The following LRRC4C variants were observed in gnomAD, a reference collection of about 807,000 sequenced individuals.
LRRC4C encodes leucine-rich repeat-containing protein 4C.
A neutral mutation model predicts 33.6 loss-of-function variants in LRRC4C; 5 were observed. That is an observed-to-expected ratio of 0.15 (90% CI 0.08 to 0.31). The LOEUF is 0.31. Ranked by LOEUF, LRRC4C falls within the 10% of genes least tolerant of loss-of-function variation. The pLI is 1.00. For synonymous variants in LRRC4C, 329 were observed against 302.0 expected (o/e 1.09, Z -0.93); for missense variants, 560 against 796.7 (o/e 0.70, Z 3.58).
At chr11:40,835,586 A>G (rs1457476128) in intron 2 of LRRC4C, among the ~76,000 whole-genome samples, 1 of 152,232 alleles carries the variant, frequency 6.6e-6, no homozygotes, top group Non-Finnish European at 1.5e-5. Flanking sequence ...GTTAGAAAAC[A>G]AGCCTAATTT....
chr11:40,649,586 CAGT>C (rs1942664759), intron 2 of LRRC4C, among the ~76,000 whole-genome samples: 1 of 152,114 alleles, frequency 6.6e-6, no homozygotes, highest in East Asian at 1.9e-4. Context: ...ACAGTTAACA[CAGT>C]AGTGGTCCTG....
intron 1 of LRRC4C, among the ~76,000 whole-genome samples, chr11:41,018,357 A>G (rs545028805): frequency 3.2e-4 from 48 of 152,184 alleles, no homozygotes; most frequent in Non-Finnish European, 4.7e-4. Context: ...TGCAAAACAC[A>G]GCTACAGAAG....
At chr11:40,638,220 T>C (rs1941879830) in intron 3 of LRRC4C, among the ~76,000 whole-genome samples, 2 of 152,340 alleles carry the variant, frequency 1.3e-5, no homozygotes, top group South Asian at 4.1e-4. Context: ...ACTATCTCTG[T>C]CCACTAAAAT....
chr11:40,681,659 G>A (rs576662264), intron 2 of LRRC4C, among the ~76,000 whole-genome samples: 71 of 147,742 alleles, frequency 4.8e-4, no homozygotes, highest in Admixed American at 1.2e-3. Context: ...CAACACTTTC[G>A]GAAGCTGAGG....
intron 5 of LRRC4C, among the ~76,000 whole-genome samples, chr11:40,166,044 A>C (rs1450529331): frequency 6.6e-6 from 1 of 152,222 alleles, no homozygotes; most frequent in Non-Finnish European, 1.5e-5. Flanking sequence ...GGCTCTCTTT[A>C]ATAAAGTTGA....
intron 5 of LRRC4C, among the ~76,000 whole-genome samples, chr11:40,166,426 G>A (rs1263643655): frequency 1.3e-5 from 2 of 152,132 alleles, no homozygotes; most frequent in Non-Finnish European, 2.9e-5. Context: ...TTGATGTCAG[G>A]ATAGTAGTTA....
chr11:41,155,376 C>T (rs911721797), intron 1 of LRRC4C, among the ~76,000 whole-genome samples: 2 of 152,098 alleles, frequency 1.3e-5, no homozygotes, highest in Admixed American at 6.6e-5. Context: ...TATTGGAATC[C>T]ATTTGTCTTG....
chr11:40,607,344 A>G (rs1383619554), intron 3 of LRRC4C, among the ~76,000 whole-genome samples: 1 of 152,174 alleles, frequency 6.6e-6, no homozygotes, highest in Non-Finnish European at 1.5e-5. Context: ...TCCTGTTTTC[A>G]TGCTCAAATG....
intron 1 of LRRC4C, among the ~76,000 whole-genome samples, chr11:41,403,289 T>C (rs1354822490): frequency 6.6e-6 from 1 of 152,092 alleles, no homozygotes; most frequent in East Asian, 1.9e-4. Flanking sequence ...ACACTGCACC[T>C]CAGCTAGTAC....
At chr11:40,723,608 A>G (rs2136702005) in intron 2 of LRRC4C, among the ~76,000 whole-genome samples, 1 of 152,290 alleles carries the variant, frequency 6.6e-6, no homozygotes, top group East Asian at 1.9e-4. Flanking sequence ...CACTTAAGGG[A>G]TTTCTGACTA....
intron 1 of LRRC4C, among the ~76,000 whole-genome samples, chr11:41,226,134 G>A (rs1463463050): frequency 6.6e-6 from 1 of 152,100 alleles, no homozygotes; most frequent in East Asian, 1.9e-4. Context: ...ATGGAAATGT[G>A]GAGTCTTGGT....
chr11:40,487,044 C>T (rs1953898749), intron 3 of LRRC4C, among the ~76,000 whole-genome samples: 1 of 151,972 alleles, frequency 6.6e-6, no homozygotes, highest in Admixed American at 6.6e-5. Context: ...GGCGGGGCTC[C>T]TAGAAAGTCT....
intron 2 of LRRC4C, among the ~76,000 whole-genome samples, chr11:40,897,938 T>C (rs1956023665): frequency 6.6e-6 from 1 of 152,196 alleles, no homozygotes; most frequent in Admixed American, 6.5e-5. Flanking sequence ...AGAATATATT[T>C]TGCTTGTTCC....
intron 2 of LRRC4C, among the ~76,000 whole-genome samples, chr11:40,703,498 G>C (rs1386659055): frequency 6.6e-6 from 1 of 152,134 alleles, no homozygotes; most frequent in African/African-American, 2.4e-5. Context: ...AGGATCACTT[G>C]AGCCCTGGAG....
At chr11:41,091,376 AAGCAGTAAAC>A (rs902981242) in intron 1 of LRRC4C, among the ~76,000 whole-genome samples, 7 of 152,036 alleles carry the variant, frequency 4.6e-5, no homozygotes, top group Non-Finnish European at 1.0e-4. Flanking sequence ...ACTAAACACT[AAGCAGTAAAC>A]AAATTGCTTA....
chr11:40,483,365 T>G (rs1953689730), intron 3 of LRRC4C, among the ~76,000 whole-genome samples: 1 of 152,158 alleles, frequency 6.6e-6, no homozygotes. Flanking sequence ...AAGAGAGCTC[T>G]TTCATGTTTG....
intron 1 of LRRC4C, among the ~76,000 whole-genome samples, chr11:41,058,159 T>C (rs1388043887): frequency 3.3e-5 from 5 of 152,212 alleles, no homozygotes; most frequent in Admixed American, 2.0e-4. Flanking sequence ...GAACTGCGAT[T>C]CTTCAGGGAC....
intron 3 of LRRC4C, among the ~76,000 whole-genome samples, chr11:40,424,309 G>T: frequency 6.6e-6 from 1 of 152,038 alleles, no homozygotes; most frequent in Non-Finnish European, 1.5e-5. Context: ...AATTGAAGAG[G>T]AGTTATATTT....
chr11:41,295,627 T>G (rs1034641902), intron 1 of LRRC4C, among the ~76,000 whole-genome samples: 1 of 152,160 alleles, frequency 6.6e-6, no homozygotes, highest in Non-Finnish European at 1.5e-5. Context: ...TCTTAGAGTT[T>G]AGTACATAAC....
Sources: gnomAD v4.1 joint callset for allele counts (sites outside exome capture counted in the v4.1 genomes callset) on GRCh38, gnomAD v4.1.1 for gene constraint, MANE v1.5 for transcripts, NCBI Gene and HGNC (gene_info 2026-07-23, HGNC 2026-07-21) for gene names.